The following ANKRD26 variants were observed in gnomAD, a reference collection of about 807,000 sequenced individuals.
ANKRD26 encodes the protein ankyrin repeat domain-containing protein 26.
ANKRD26 carries 141 observed loss-of-function variants against 208.7 expected under a neutral mutation model. That is an observed-to-expected ratio of 0.68 (90% CI 0.59 to 0.78). ANKRD26 has a LOEUF of 0.78. ANKRD26 is among the 30% of genes least tolerant of loss of function. The pLI is 0.00. For synonymous variants in ANKRD26, 636 were observed against 660.4 expected (o/e 0.96, Z 0.57); for missense variants, 1,889 against 1,938.7 (o/e 0.97, Z 0.48).
chr10:26,980,615 A>C (rs2052293124), exon 5 of ANKRD26, among the ~76,000 whole-genome samples: 1 of 152,206 alleles, frequency 6.6e-6, no homozygotes, highest in Admixed American at 6.5e-5. Context: ...ATCATGAGAG[A>C]TGTTCCTACA....
At chr10:27,033,199 T>A in intron 25 of ANKRD26, 26 bp downstream of exon 25, 5 of 1,579,774 alleles carry the variant, frequency 3.2e-6, no homozygotes, top group South Asian at 2.2e-5. Flanking sequence ...AGATTAACTG[T>A]TTGACATGTT....
rs2056329880 is a variant in ANKRD26 at position 27,092,440 on chromosome 10, TTTTC to T, written c.600_603del (p.Lys202GlnfsTer3). On this transcript the variant is annotated frameshift_variant, in exon 4 of 34. Transcript: ENST00000376087. LOFTEE classifies it high-confidence loss of function. Reference sequence around the variant, plus strand: ...TTATCTACTGCATTTACATTTGCTTTTTTCTTTATTAAAAATTCCACCATTTGCT... The same window carrying T: ...TTATCTACTGCATTTACATTTGCTTTTTTATTAAAAATTCCACCATTTGCT... 2 of 1,613,420 alleles carry T rather than the reference TTTTC, an allele frequency of 1.2e-6. No individual in the cohort carries two copies. The highest frequency in any genetic ancestry group is 2.2e-5 in the East Asian group (1 of 44,840).
At position 27,032,052 on chromosome 10, in the gene ANKRD26, C is replaced by G. The variant is rs376977158; in HGVS notation, c.3807+1173G>C. 2.6e-5 allele frequency among the ~76,000 whole-genome samples: 4 copies of G among 152,212 alleles called. No homozygotes were observed. The East Asian group carries it at 7.7e-4, about 29-fold the overall frequency. On this transcript the variant is annotated intron_variant, in intron 25 of 33. Transcript: ENST00000376087. ...TATCCTCTAACTTAATCTGGCTTGC[C>G]ATGACAATAGAAAAATCACTATAAA...
intron 16 of ANKRD26, among the ~76,000 whole-genome samples, chr10:27,050,400 T>C (rs1042214453): frequency 5.9e-5 from 9 of 152,164 alleles, no homozygotes; most frequent in Non-Finnish European, 1.5e-5. Context: ...AAACTTATCA[T>C]ACTTTATTAA....
At chr10:26,970,502 TC>T (rs1490021035), downstream of ANKRD26, among the ~76,000 whole-genome samples, 1 of 152,112 alleles carries the variant, frequency 6.6e-6, no homozygotes, top group East Asian at 1.9e-4. Flanking sequence ...AGGTGCCTGC[TC>T]CCCCTTTGCC....
rs1482531545 is a variant in ANKRD26 at position 27,004,938 on chromosome 10, C to T, written c.*652G>A. 5 of 640,796 alleles carry T rather than the reference C, an allele frequency of 7.8e-6. No homozygotes were observed. The highest frequency in any genetic ancestry group is 9.7e-6 in the Non-Finnish European group (5 of 515,638). The allele number at this position is 640,796 out of a possible 1,614,324, so 39.7% of individuals were successfully genotyped here. On this transcript the variant is annotated 3_prime_UTR_variant, in exon 34 of 34. Coordinates refer to ENST00000376087, the MANE Select transcript of ANKRD26 (RefSeq NM_014915.3). ...TAGAATGTCCTGACTTGTAGGAATG[C>T]CCACTAAAGTAATCAGGGGTGATGA...
At chr10:26,975,913 T>C (rs1401364470) in exon 6 of ANKRD26, among the ~76,000 whole-genome samples, 1 of 151,848 alleles carries the variant, frequency 6.6e-6, no homozygotes, top group African/African-American at 2.4e-5. Flanking sequence ...AGGGTTGTTT[T>C]AGTAACGTAG....
intron 5 of ANKRD26, among the ~76,000 whole-genome samples, chr10:26,992,469 TAC>T (rs61459601): frequency 0.084 from 11,389 of 136,224 alleles, 501 homozygotes; most frequent in East Asian, 0.16. Flanking sequence ...TACACACACG[TAC>T]ACACACACAC....
At chr10:27,049,392 C>T (rs960051493) in intron 16 of ANKRD26, among the ~76,000 whole-genome samples, 1 of 152,182 alleles carries the variant, frequency 6.6e-6, no homozygotes, top group East Asian at 1.9e-4. Flanking sequence ...TTTTACACTA[C>T]GCAGCCAGGA....
At chr10:27,003,473 T>G (rs760496457), downstream of ANKRD26, among the ~76,000 whole-genome samples, 9 of 152,180 alleles carry the variant, frequency 5.9e-5, no homozygotes, top group Non-Finnish European at 8.8e-5. Context: ...ATCTTGTGGG[T>G]GAAGTTCTGA....
chr10:27,010,473 G>C (rs1242643144), intron 32 of ANKRD26, among the ~76,000 whole-genome samples: 1 of 152,100 alleles, frequency 6.6e-6, no homozygotes, highest in African/African-American at 2.4e-5. Context: ...ATCATGCTTA[G>C]TAAGTTACAG....
chr10:27,069,605 C>T (rs542259285), intron 9 of ANKRD26, among the ~76,000 whole-genome samples: 79 of 152,066 alleles, frequency 5.2e-4, no homozygotes, highest in African/African-American at 1.8e-3. Context: ...CACTGGACCC[C>T]GCCTACCCAG....
At position 27,037,916 on chromosome 10, in the gene ANKRD26, T is replaced by G. The variant is rs774949687; in HGVS notation, c.2514A>C (p.Gln838His). 6 of 1,613,292 alleles carry G rather than the reference T, an allele frequency of 3.7e-6. No homozygotes were observed. The highest frequency in any genetic ancestry group is 5.1e-6 in the Non-Finnish European group (6 of 1,179,710). ...CAGTCCTCAATTCCATCTCCAGTGT[T>G]TGGAGACTCAGTTCAAGCTGTTGTT... ...EVKQQLELSL[Q>H]TLEMELRTVK... The change falls in exon 22 of 34, where the codon CAA becomes CAC. Residue 838 changes from glutamine to histidine, a missense_variant. By Grantham distance (24) the Gln-to-His change is conservative. Coordinates refer to ENST00000376087, the MANE Select transcript of ANKRD26 (RefSeq NM_014915.3).
intron 5 of ANKRD26, among the ~76,000 whole-genome samples, chr10:26,979,288 G>A (rs1434037311): frequency 6.6e-6 from 1 of 152,130 alleles, no homozygotes; most frequent in Non-Finnish European, 1.5e-5. Context: ...CCTGGTGAAG[G>A]ATATCAAGCC....
downstream of ANKRD26, among the ~76,000 whole-genome samples, chr10:26,972,756 AAT>A (rs1263072677): frequency 6.6e-6 from 1 of 151,632 alleles, no homozygotes; most frequent in Non-Finnish European, 1.5e-5. Flanking sequence ...GTGCCCGGCT[AAT>A]TTTTTGTATT....
chr10:27,044,000 C>A lies in ANKRD26; in HGVS notation c.2019+157G>T, dbSNP rs11015474. 0.1 allele frequency among the ~76,000 whole-genome samples: 15,792 copies of A among 151,994 alleles called. 1,107 individuals carry two copies. Among genetic ancestry groups the A allele is most frequent in the East Asian group, 0.27 (1,413 of 5,148 alleles). On this transcript the variant is annotated intron_variant, in intron 19 of 33. Transcript: ENST00000376087. ...TAGAGACAGGGCTCCCACCATGTTG[C>A]CTAGGCTGGTCTCAAATTCCTGGAG...
downstream of ANKRD26, among the ~76,000 whole-genome samples, chr10:27,001,756 G>A (rs1422984036): frequency 6.6e-6 from 1 of 152,048 alleles, no homozygotes; most frequent in Non-Finnish European, 1.5e-5. Context: ...CTTTTCTATT[G>A]GCACAATTTC....
intron 1 of ANKRD26, among the ~76,000 whole-genome samples, chr10:27,094,155 T>G (rs2056391822): frequency 6.6e-6 from 1 of 152,192 alleles, no homozygotes; most frequent in Admixed American, 6.5e-5. Context: ...CTTCTCCTTC[T>G]GCCCTTATTG....
Position 27,039,969 on chromosome 10 carries a change from A to G in ANKRD26, c.2371T>C (p.Leu791=). The G allele has an allele frequency of 6.2e-7, 1 of 1,613,124 alleles. No individual in the cohort carries two copies. Among genetic ancestry groups the G allele is most frequent in the African/African-American group, 1.3e-5 (1 of 75,004 alleles). ...TTTAAAACTAGGCTATCATACCTCA[A>G]AGAGCACAGTTCTCGTTCCCATTCA... ...KVEWERELCS[L]RFSLNQEEEK... is the part of the protein sequence containing the mutation. The change falls in exon 21 of 34, where the codon TTG becomes CTG. Residue 791 remains leucine (L), a synonymous_variant. Transcript: ENST00000376087.
Sources: gnomAD v4.1 joint callset for allele counts (sites outside exome capture counted in the v4.1 genomes callset) on GRCh38, gnomAD v4.1.1 for gene constraint, MANE v1.5 for transcripts, NCBI Gene and HGNC (gene_info 2026-07-23, HGNC 2026-07-21) for gene names.